The following PLCH1 variants were observed in gnomAD, a reference collection of about 807,000 sequenced individuals.
The protein encoded by PLCH1 is phospholipase C eta 1.
Under a neutral mutation model 126.7 loss-of-function variants are expected in PLCH1, and 60 were observed. The ratio of observed to expected loss-of-function variants is 0.47; its 90% CI spans 0.38 to 0.59. The LOEUF is 0.59. Among genes scored for constraint, PLCH1 ranks in the 20% least tolerant of loss-of-function variants. The probability of loss-of-function intolerance (pLI) is 0.00; values close to 1 mark genes in which losing one functional copy is unlikely to be tolerated. For synonymous variants in PLCH1, 719 were observed against 734.9 expected (o/e 0.98, Z 0.35); for missense variants, 1,723 against 2,040.0 (o/e 0.84, Z 2.99).
intron 19 of PLCH1, among the ~76,000 whole-genome samples, chr3:155,489,666 T>A (rs567700394): frequency 4.6e-5 from 7 of 152,312 alleles, no homozygotes; most frequent in African/African-American, 1.4e-4. Context: ...ATAAGGTATA[T>A]AATTCACCTC....
At chr3:155,723,501 G>A (rs1748103007) in intron 1 of PLCH1, among the ~76,000 whole-genome samples, 1 of 151,736 alleles carries the variant, frequency 6.6e-6, no homozygotes, top group Admixed American at 6.6e-5. Context: ...TGTTTCTCTA[G>A]CTCCTTGAGG....
chr3:155,494,379 T>C lies in PLCH1; in HGVS notation c.2033A>G (p.Asn678Ser). Residue 678 changes from asparagine (N) to serine (S), a missense_variant, in exon 16 of 23, where the codon AAC becomes AGC. Physicochemically the swap from Asn to Ser is conservative, Grantham distance 46. Around this residue, in one of 2 missense-constraint regions of PLCH1, gnomAD observed 776 missense variants for 1,062.9 expected, o/e 0.73. Transcript: ENST00000460012. Reference protein sequence around the residue: ...YPSAYRIDSSNFNPLPYWNAG... With the variant: ...YPSAYRIDSSSFNPLPYWNAG... Reference sequence around the variant, plus strand: ...GTTCCAGTAGGGGAGAGGGTTGAAGTTACTGGAATCAATGCGGTAGGCAGA... The same window carrying C: ...GTTCCAGTAGGGGAGAGGGTTGAAGCTACTGGAATCAATGCGGTAGGCAGA... The C allele has an allele frequency of 1.2e-6, 2 of 1,614,114 alleles. No individual in the cohort carries two copies. Among genetic ancestry groups the C allele is most frequent in the Non-Finnish European group, 1.7e-6 (2 of 1,180,016 alleles).
Position 155,481,367 on chromosome 3 carries a change from T to A in PLCH1, c.4659A>T (p.Leu1553=). 1 of 1,614,228 alleles carries A rather than the reference T, an allele frequency of 6.2e-7. No individual in the cohort carries two copies. Among genetic ancestry groups the A allele is most frequent in the Non-Finnish European group, 8.5e-7 (1 of 1,180,028 alleles). The change falls in exon 23 of 23, where the codon CTA becomes CTT. Residue 1553 remains leucine, a synonymous_variant. Transcript: ENST00000460012. The surrounding 1 kb of genome is among the most constrained non-coding windows in gnomAD (Gnocchi z 4.2). ...SFDQEDNCQV[L]YSKQDANQLP... is the part of the protein sequence containing the mutation. ...GCTGATTGGCATCCTGCTTTGAATATAGCACTTGGCAGTTGTCTTCCTGGT... is the reference window on the plus strand; with the variant it reads ...GCTGATTGGCATCCTGCTTTGAATAAAGCACTTGGCAGTTGTCTTCCTGGT...
chr3:155,494,306 C>A, intron 16 of PLCH1, 32 bp downstream of exon 16: 1 of 1,612,728 alleles, frequency 6.2e-7, no homozygotes, highest in Non-Finnish European at 8.5e-7. Context: ...TGAGAATATA[C>A]AGAGAACCAC....
At chr3:155,701,362 T>C (rs1051920160) in intron 2 of PLCH1, among the ~76,000 whole-genome samples, 1 of 152,188 alleles carries the variant, frequency 6.6e-6, no homozygotes, top group African/African-American at 2.4e-5. Flanking sequence ...ATTTTTATTT[T>C]TGCTGCTATT....
intron 4 of PLCH1, among the ~76,000 whole-genome samples, chr3:155,591,355 C>T (rs1283226659): frequency 6.6e-6 from 1 of 152,154 alleles, no homozygotes; most frequent in Non-Finnish European, 1.5e-5. Context: ...TTTGATGCAA[C>T]TGTCCTCAAA....
At chr3:155,611,760 A>C (rs987173494) in intron 2 of PLCH1, among the ~76,000 whole-genome samples, 1 of 152,220 alleles carries the variant, frequency 6.6e-6, no homozygotes, top group Admixed American at 6.5e-5. Flanking sequence ...AGATTATATG[A>C]TAGGTCATGA....
intron 2 of PLCH1, among the ~76,000 whole-genome samples, chr3:155,662,138 A>C (rs1559910185): frequency 6.6e-6 from 1 of 152,182 alleles, no homozygotes; most frequent in Non-Finnish European, 1.5e-5. Flanking sequence ...CTAGAACTAG[A>C]GAAGCTATTG....
chr3:155,469,614 C>A (rs1435805005), intron 21 of PLCH1, among the ~76,000 whole-genome samples: 1 of 152,230 alleles, frequency 6.6e-6, no homozygotes, highest in Non-Finnish European at 1.5e-5. Context: ...GGCTCCACCT[C>A]TGGGGGCAGG....
intron 2 of PLCH1, among the ~76,000 whole-genome samples, chr3:155,669,097 C>T (rs1170405931): frequency 6.6e-6 from 1 of 151,620 alleles, no homozygotes; most frequent in African/African-American, 2.4e-5. Context: ...AAATATCAAC[C>T]ACAGTTATGC....
intron 2 of PLCH1, among the ~76,000 whole-genome samples, chr3:155,598,310 TA>T (rs1216155818): frequency 6.6e-6 from 1 of 152,238 alleles, no homozygotes; most frequent in Non-Finnish European, 1.5e-5. Context: ...ATCACTCTTT[TA>T]GGCAATGAAA....
chr3:155,717,278 C>T (rs1747591086), intron 1 of PLCH1, among the ~76,000 whole-genome samples: 1 of 152,228 alleles, frequency 6.6e-6, no homozygotes, highest in Non-Finnish European at 1.5e-5. Flanking sequence ...ATACAAGCTG[C>T]CTGTGGCTTT....
chr3:155,526,942 C>A (rs1042600645), intron 10 of PLCH1, among the ~76,000 whole-genome samples: 3 of 152,222 alleles, frequency 2.0e-5, no homozygotes, highest in Non-Finnish European at 4.4e-5. Flanking sequence ...GGCTTTCACT[C>A]CATCATCCAC....
chr3:155,692,459 A>AATGGATGGATGGATGGATGG (rs59965316), intron 2 of PLCH1, among the ~76,000 whole-genome samples: 7 of 151,644 alleles, frequency 4.6e-5, no homozygotes, highest in African/African-American at 1.7e-4. Flanking sequence ...TGAATGAATG[A>AATGGATGGATGGATGGATGG]ATGGATGGAT....
At chr3:155,740,200 C>T (rs1749512893) in intron 1 of PLCH1, among the ~76,000 whole-genome samples, 1 of 152,136 alleles carries the variant, frequency 6.6e-6, no homozygotes, top group African/African-American at 2.4e-5. Flanking sequence ...CATCTGAGGT[C>T]AGGAGTTCGA....
intron 2 of PLCH1, among the ~76,000 whole-genome samples, chr3:155,650,758 G>A (rs937645976): frequency 1.3e-5 from 2 of 152,172 alleles, no homozygotes; most frequent in African/African-American, 2.4e-5. Context: ...ATGAAAAGAT[G>A]CTCAACAATG....
intron 2 of PLCH1, among the ~76,000 whole-genome samples, chr3:155,678,347 C>T (rs1022009153): frequency 2.0e-5 from 3 of 152,154 alleles, no homozygotes; most frequent in Non-Finnish European, 4.4e-5. Context: ...GCCACTTACC[C>T]AGGGGGAGCA....
intron 2 of PLCH1, among the ~76,000 whole-genome samples, chr3:155,603,595 CT>C (rs1413586909): frequency 6.6e-6 from 1 of 152,148 alleles, no homozygotes; most frequent in Non-Finnish European, 1.5e-5. Flanking sequence ...GAATATCCTA[CT>C]TTCCTCAACC....
chr3:155,707,307 C>G (rs1394416625), intron 1 of PLCH1, among the ~76,000 whole-genome samples: 3 of 152,218 alleles, frequency 2.0e-5, no homozygotes, highest in Admixed American at 2.0e-4. Flanking sequence ...GATTCTAACC[C>G]CAAGTATTTC....
Sources: gnomAD v4.1 joint callset for allele counts (sites outside exome capture counted in the v4.1 genomes callset) on GRCh38, gnomAD v4.1.1 for gene constraint, gnomAD v4.1.1 regional missense constraint, Gnocchi (gnomAD v3.1) non-coding constraint, MANE v1.5 for transcripts, NCBI Gene and HGNC (gene_info 2026-07-23, HGNC 2026-07-21) for gene names.